TOX: variants seen among roughly 807,000 people sequenced by gnomAD.
TOX encodes thymocyte selection-associated high mobility group box protein TOX.
In TOX, 11 loss-of-function variants were observed where a neutral mutation model predicts 53.7. The ratio of observed to expected loss-of-function variants is 0.20; its 90% CI spans 0.13 to 0.34. TOX has a LOEUF of 0.34. TOX is among the 10% of genes least tolerant of loss of function. The pLI is 1.00. For missense variants in TOX, 570 were observed against 664.6 expected (o/e 0.86, Z 1.56); for synonymous variants, 225 against 245.3 (o/e 0.92, Z 0.77).
chr8:58,877,174 T>C (rs1284673798), intron 3 of TOX, among the ~76,000 whole-genome samples: 6 of 152,196 alleles, frequency 3.9e-5, no homozygotes, highest in Non-Finnish European at 7.3e-5. Flanking sequence ...GTGTTTTTCA[T>C]TACGAAAAGA....
At chr8:59,043,469 G>A (rs1251519710) in intron 1 of TOX, among the ~76,000 whole-genome samples, 2 of 151,706 alleles carry the variant, frequency 1.3e-5, no homozygotes, top group African/African-American at 4.8e-5. Flanking sequence ...TAATAAAATA[G>A]GTAATCTATT....
chr8:59,107,334 CATCTA>C (rs1804932437), intron 1 of TOX, among the ~76,000 whole-genome samples: 1 of 152,062 alleles, frequency 6.6e-6, no homozygotes, highest in African/African-American at 2.4e-5. Context: ...TTCTGTTGAA[CATCTA>C]ATCAAAGACT....
intron 1 of TOX, among the ~76,000 whole-genome samples, chr8:59,062,513 G>T (rs1383206384): frequency 6.6e-6 from 1 of 152,106 alleles, no homozygotes; most frequent in African/African-American, 2.4e-5. Flanking sequence ...GTAGGGAGGA[G>T]GTAGTTTCTA....
chr8:58,912,438 T>A (rs1811924370), intron 3 of TOX, among the ~76,000 whole-genome samples: 1 of 152,198 alleles, frequency 6.6e-6, no homozygotes, highest in Non-Finnish European at 1.5e-5. Flanking sequence ...TCTTTCTATT[T>A]TTCAAAGGGC....
intron 1 of TOX, among the ~76,000 whole-genome samples, chr8:58,997,916 C>A (rs1434312228): frequency 6.6e-6 from 1 of 152,076 alleles, no homozygotes; most frequent in Non-Finnish European, 1.5e-5. Context: ...CCTCAGCCTC[C>A]CGAGTAGCTG....
intron 1 of TOX, among the ~76,000 whole-genome samples, chr8:59,071,847 T>A (rs1804202699): frequency 6.6e-6 from 1 of 152,222 alleles, no homozygotes; most frequent in Non-Finnish European, 1.5e-5. Flanking sequence ...CTAATCTGGA[T>A]AAATTAGATA....
At chr8:58,953,722 C>T (rs1812663871) in intron 2 of TOX, among the ~76,000 whole-genome samples, 2 of 152,082 alleles carry the variant, frequency 1.3e-5, no homozygotes, top group Non-Finnish European at 2.9e-5. Flanking sequence ...TCTATTGGGT[C>T]AATGGTCAAA....
At chr8:58,894,659 C>T (rs1039210795) in intron 3 of TOX, among the ~76,000 whole-genome samples, 8 of 148,638 alleles carry the variant, frequency 5.4e-5, no homozygotes, top group South Asian at 4.3e-4. Flanking sequence ...TTTGGGAGGC[C>T]GACGCGGGTG....
chr8:58,970,158 ACAGT>A (rs1260739781), intron 1 of TOX, among the ~76,000 whole-genome samples: 1 of 152,136 alleles, frequency 6.6e-6, no homozygotes, highest in Non-Finnish European at 1.5e-5. Context: ...CAACAACCCC[ACAGT>A]CAGTCAGTTT....
chr8:59,035,976 T>C (rs1380066363), intron 1 of TOX, among the ~76,000 whole-genome samples: 3 of 152,220 alleles, frequency 2.0e-5, no homozygotes, highest in Non-Finnish European at 4.4e-5. Flanking sequence ...AGAGAAGTCA[T>C]GTAACTCCCC....
intron 1 of TOX, among the ~76,000 whole-genome samples, chr8:58,975,264 C>CACACACA (rs764331571): frequency 1.4e-3 from 207 of 147,938 alleles, no homozygotes; most frequent in African/African-American, 4.8e-3. Flanking sequence ...ACACACACAC[C>CACACACA]CCCACACAGA....
At chr8:58,852,411 A>T (rs1810839850) in intron 3 of TOX, among the ~76,000 whole-genome samples, 1 of 152,218 alleles carries the variant, frequency 6.6e-6, no homozygotes, top group African/African-American at 2.4e-5. Context: ...TTGACTATTG[A>T]AATGACTGCA....
At chr8:58,984,535 G>A (rs752918181) in intron 1 of TOX, among the ~76,000 whole-genome samples, 23 of 152,264 alleles carry the variant, frequency 1.5e-4, no homozygotes, top group Non-Finnish European at 2.5e-4. Flanking sequence ...GCTCACGCCC[G>A]TAATCCCAGC....
chr8:58,869,593 A>C (rs1033087448), intron 3 of TOX, among the ~76,000 whole-genome samples: 3 of 152,140 alleles, frequency 2.0e-5, no homozygotes, highest in Non-Finnish European at 4.4e-5. Context: ...AGAAAATTAA[A>C]GACTGTTAAC....
At chr8:58,860,254 T>C (rs1368485700) in intron 3 of TOX, among the ~76,000 whole-genome samples, 1 of 152,162 alleles carries the variant, frequency 6.6e-6, no homozygotes, top group Admixed American at 6.6e-5. Context: ...AAAAAGAGGA[T>C]AATTTTTCAC....
At chr8:59,045,182 C>G (rs977261106) in intron 1 of TOX, among the ~76,000 whole-genome samples, 9 of 151,874 alleles carry the variant, frequency 5.9e-5, no homozygotes, top group African/African-American at 2.2e-4. Flanking sequence ...TCCCATGATT[C>G]TCCTTTCTTA....
intron 6 of TOX, among the ~76,000 whole-genome samples, chr8:58,823,575 C>A (rs1231868743): frequency 6.6e-6 from 1 of 152,172 alleles, no homozygotes; most frequent in Admixed American, 6.5e-5. Flanking sequence ...ATTGTCAATC[C>A]TGTGACTCAA....
At chr8:59,082,325 T>C (rs983880920) in intron 1 of TOX, among the ~76,000 whole-genome samples, 5 of 152,258 alleles carry the variant, frequency 3.3e-5, no homozygotes, top group South Asian at 4.1e-4. Context: ...AGTCTGGACA[T>C]TGAAAGCCAA....
chr8:59,040,104 C>T (rs1400661417), intron 1 of TOX, among the ~76,000 whole-genome samples: 2 of 151,986 alleles, frequency 1.3e-5, no homozygotes, highest in Non-Finnish European at 2.9e-5. Flanking sequence ...CCGAGGCGGG[C>T]GGATCACGAG....
Sources: allele counts gnomAD v4.1 joint callset (sites outside exome capture counted in the v4.1 genomes callset), GRCh38; gene constraint gnomAD v4.1.1; transcripts MANE v1.5; gene names NCBI Gene and HGNC (gene_info 2026-07-23, HGNC 2026-07-21).